ANKRD10: variants seen among roughly 807,000 people sequenced by gnomAD.
ANKRD10 encodes ankyrin repeat domain-containing protein 10.
In ANKRD10, 14 loss-of-function variants were observed where a neutral mutation model predicts 27.0. The observed-to-expected ratio is 0.52, with a 90% CI of 0.34 to 0.81. ANKRD10 has a LOEUF of 0.81. Ranked by LOEUF, ANKRD10 falls within the 40% of genes least tolerant of loss-of-function variation. The probability of loss-of-function intolerance (pLI) is 0.01; values close to 1 mark genes in which losing one functional copy is unlikely to be tolerated. For missense variants in ANKRD10, 493 were observed against 544.0 expected, an observed-to-expected ratio of 0.91 and a Z score of 0.93; for synonymous variants, 250 against 224.5, an observed-to-expected ratio of 1.11 and a Z score of -1.01.
intron 3 of ANKRD10, among the ~76,000 whole-genome samples, chr13:110,902,986 T>A (rs1202306094): frequency 6.6e-6 from 1 of 152,234 alleles, no homozygotes; most frequent in Non-Finnish European, 1.5e-5. Flanking sequence ...TTTACAATGC[T>A]AGTAGTGAAA....
intron 1 of ANKRD10, among the ~76,000 whole-genome samples, chr13:110,912,558 C>A (rs755952929): frequency 6.6e-6 from 1 of 152,176 alleles, no homozygotes; most frequent in Non-Finnish European, 1.5e-5. Context: ...TGGCTTTAAA[C>A]CTGTTACCCT....
Position 110,914,940 on chromosome 13 carries a change from G to T in ANKRD10, c.-6C>A. 6.5e-7 allele frequency: 1 copy of T among 1,530,960 alleles called. No individual in the cohort carries two copies. The highest frequency in any genetic ancestry group is 1.4e-5 in the African/African-American group (1 of 72,848). 94.8% of individuals were successfully genotyped at this position (1,530,960 alleles called of 1,614,324 possible). A position where few individuals can be genotyped will look rare whatever the true frequency, so the allele number is the denominator to read the frequency against. Reference sequence around the variant, plus strand: ...CCCGCTCCCGCCGCCGACATGGTCCGTCACCGGAGAGCGCGGGGCTCGCTG... The same window carrying T: ...CCCGCTCCCGCCGCCGACATGGTCCTTCACCGGAGAGCGCGGGGCTCGCTG... On this transcript the variant is annotated 5_prime_UTR_variant, in exon 1 of 6. Transcript: ENST00000267339.
intron 1 of ANKRD10, among the ~76,000 whole-genome samples, chr13:110,913,434 G>A (rs1056197364): frequency 2.0e-5 from 3 of 152,162 alleles, no homozygotes; most frequent in African/African-American, 7.2e-5. Flanking sequence ...CAGGTACTAC[G>A]GTTGCACAAC....
At position 110,891,991 on chromosome 13, in the gene ANKRD10, G is replaced by A. The variant is rs2065087004; in HGVS notation, c.691+1037C>T. Among the ~76,000 whole-genome samples, 3 of 150,438 alleles carry A rather than the reference G, an allele frequency of 2.0e-5. No homozygotes were observed. In the South Asian group the frequency reaches 6.3e-4, roughly 32 times the overall value. ...GCCTCCCAAAGTGCTGGGATTACAG[G>A]TATGAGCCATGACAACTGGCCTAAG... On this transcript the variant is annotated intron_variant, in intron 4 of 5. Coordinates refer to ENST00000267339, the MANE Select transcript of ANKRD10 (RefSeq NM_017664.4).
At chr13:110,905,531 G>A (rs934799297) in intron 3 of ANKRD10, among the ~76,000 whole-genome samples, 21 of 152,220 alleles carry the variant, frequency 1.4e-4, no homozygotes, top group African/African-American at 5.1e-4. Context: ...CAACCATTAA[G>A]TTACAATGGG....
chr13:110,913,555 CTT>C (rs2065784236), intron 1 of ANKRD10, among the ~76,000 whole-genome samples: 1 of 152,184 alleles, frequency 6.6e-6, no homozygotes. Flanking sequence ...AGAAAAGTGA[CTT>C]TTCCACTTTA....
At chr13:110,887,811 G>A (rs1302073326) in intron 4 of ANKRD10, among the ~76,000 whole-genome samples, 1 of 152,162 alleles carries the variant, frequency 6.6e-6, no homozygotes, top group Admixed American at 6.5e-5. Flanking sequence ...CTTGAGAGGT[G>A]GCCAAATGGC....
At chr13:110,913,373 T>A (rs773402714) in intron 1 of ANKRD10, among the ~76,000 whole-genome samples, 1 of 152,210 alleles carries the variant, frequency 6.6e-6, no homozygotes. Context: ...GAGGCTTTAT[T>A]ACTTTTGTTT....
intron 3 of ANKRD10, among the ~76,000 whole-genome samples, chr13:110,902,049 G>GAAAAAA (rs10656736): frequency 6.1e-5 from 7 of 115,408 alleles, no homozygotes; most frequent in African/African-American, 1.0e-4. Context: ...TCTCTTTTTA[G>GAAAAAA]AAAAAAAAAA....
intron 3 of ANKRD10, among the ~76,000 whole-genome samples, chr13:110,895,836 CAG>C (rs1211230209): frequency 2.0e-5 from 3 of 152,144 alleles, no homozygotes; most frequent in African/African-American, 7.2e-5. Context: ...ACTGAAGTTT[CAG>C]AGTGTCAGCC....
intron 4 of ANKRD10, among the ~76,000 whole-genome samples, chr13:110,888,279 A>G (rs1425997310): frequency 6.6e-6 from 1 of 151,308 alleles, no homozygotes; most frequent in Non-Finnish European, 1.5e-5. Flanking sequence ...GCTGAGGACA[A>G]CTCAGGCCCA....
At chr13:110,890,970 G>C (rs765130006) in intron 4 of ANKRD10, among the ~76,000 whole-genome samples, 4 of 152,100 alleles carry the variant, frequency 2.6e-5, no homozygotes, top group Non-Finnish European at 5.9e-5. Flanking sequence ...TGCTTTTCAG[G>C]GTAATTAAGC....
At chr13:110,909,821 C>T (rs1405017273) in intron 2 of ANKRD10, among the ~76,000 whole-genome samples, 1 of 152,150 alleles carries the variant, frequency 6.6e-6, no homozygotes, top group East Asian at 1.9e-4. Context: ...GACTTTGCAT[C>T]CAAGACCTTG....
chr13:110,879,995 C>T lies in ANKRD10; in HGVS notation c.905G>A (p.Cys302Tyr), dbSNP rs747761263. The T allele has an allele frequency of 6.2e-7, 1 of 1,614,230 alleles. No homozygotes were observed. The highest frequency in any genetic ancestry group is 1.1e-5 in the South Asian group (1 of 91,088). ...LSGMESRNGQ[C>Y]LTGTNGISSG... Reference sequence around the variant, plus strand: ...GCTAATTCCGTTAGTTCCTGTCAAGCACTGGCCATTCCTGCTTTCCATCCC... The same window carrying T: ...GCTAATTCCGTTAGTTCCTGTCAAGTACTGGCCATTCCTGCTTTCCATCCC... The change falls in exon 6 of 6, where the codon TGC becomes TAC. Residue 302 changes from cysteine to tyrosine, a missense_variant. Coordinates refer to ENST00000267339, the MANE Select transcript of ANKRD10 (RefSeq NM_017664.4).
At chr13:110,901,610 T>G (rs1218255157) in intron 3 of ANKRD10, among the ~76,000 whole-genome samples, 1 of 152,234 alleles carries the variant, frequency 6.6e-6, no homozygotes, top group African/African-American at 2.4e-5. Flanking sequence ...TTAACAAGTC[T>G]AGAATGATAT....
intron 4 of ANKRD10, among the ~76,000 whole-genome samples, chr13:110,884,348 G>A (rs1474346575): frequency 6.6e-6 from 1 of 152,134 alleles, no homozygotes; most frequent in African/African-American, 2.4e-5. Flanking sequence ...GAAATGTGAA[G>A]CTAAAGCTAC....
intron 3 of ANKRD10, chr13:110,894,160 T>C (rs1364332460): frequency 1.2e-6 from 2 of 1,612,350 alleles, no homozygotes; most frequent in African/African-American, 1.3e-5. Flanking sequence ...CATGTTGAAG[T>C]TCCCCTGGAA....
rs144356074 is a variant in ANKRD10 at position 110,879,946 on chromosome 13, C to T, written c.954G>A (p.Pro318=). ...AGAGAGAACCCTGGCTACTCGGAAA[C>T]GGCTGTCCTGGGGCTAATCCACTGC... The part of the protein sequence containing the change: ...GISSGLAPGQ[P]FPSSQGSLCI... The change falls in exon 6 of 6, where the codon CCG becomes CCA. Residue 318 remains proline, a synonymous_variant. Transcript: ENST00000267339. The T allele has an allele frequency of 6.2e-6, 10 of 1,614,218 alleles. No homozygotes were observed. The highest frequency in any genetic ancestry group is 1.3e-5 in the African/African-American group (1 of 75,064).
At chr13:110,914,548 T>C (rs2065828980) in intron 1 of ANKRD10, 177 bp downstream of exon 1, 2 of 871,176 alleles carry the variant, frequency 2.3e-6, no homozygotes. Context: ...CCGCCGCGAC[T>C]CCGGGCCGCG....
Sources: gnomAD v4.1 joint callset for allele counts (sites outside exome capture counted in the v4.1 genomes callset) on GRCh38, gnomAD v4.1.1 for gene constraint, MANE v1.5 for transcripts, NCBI Gene and HGNC (gene_info 2026-07-23, HGNC 2026-07-21) for gene names.